The following CDHR2 variants were observed in gnomAD, a reference collection of about 807,000 sequenced individuals.
The protein encoded by CDHR2 is cadherin related family member 2.
A neutral mutation model predicts 138.6 loss-of-function variants in CDHR2; 104 were observed. That is an observed-to-expected ratio of 0.75 (90% CI 0.64 to 0.88). CDHR2 has a LOEUF of 0.88. Ranked by LOEUF, CDHR2 falls within the 40% of genes least tolerant of loss-of-function variation. The pLI is 0.00. For missense variants in CDHR2, 1,624 were observed against 1,727.6 expected (o/e 0.94, Z 1.06); for synonymous variants, 755 against 742.8 (o/e 1.02, Z -0.27).
intron 12 of CDHR2, 130 bp from the exon 13 acceptor site, chr5:176,577,269 T>G: frequency 9.9e-7 from 1 of 1,014,666 alleles, no homozygotes; most frequent in Non-Finnish European, 1.4e-6. Context: ...TCTCTCGCAG[T>G]CTTTTGAGAG....
At position 176,575,789 on chromosome 5, in the gene CDHR2, G is replaced by A; in HGVS notation, c.910G>A (p.Asp304Asn). 6.4e-7 allele frequency: 1 copy of A among 1,560,362 alleles called. No homozygotes were observed. The highest frequency in any genetic ancestry group is 1.9e-5 in the Admixed American group (1 of 52,164). Reference protein sequence around the residue: ...DGVIRVNGSLDREQLLEADEE... With the variant: ...DGVIRVNGSLNREQLLEADEE... ...GGTGATCAGGGTCAACGGCTCCCTG[G>A]ACCGTGAGCAGCTGCTGGAGGCGGA... Residue 304 changes from aspartate to asparagine, a missense_variant, in exon 11 of 32, where the codon GAC becomes AAC. Asp to Asn is a conservative substitution (Grantham distance 23). This residue lies in a region of CDHR2 where 1,061 missense variants were observed against 1,136.6 expected (regional missense o/e 0.93). Coordinates refer to ENST00000261944, the MANE Select transcript of CDHR2 (RefSeq NM_017675.6).
rs750300800 is a variant in CDHR2 at position 176,575,702 on chromosome 5, G to C, written c.845-22G>C. ...AGCCACTGGAGCAGCTGTTCCAGCTGTTCCGCCTTTCTCCTTGCCAGACTC... is the reference window on the plus strand; with the variant it reads ...AGCCACTGGAGCAGCTGTTCCAGCTCTTCCGCCTTTCTCCTTGCCAGACTC... On this transcript the variant is annotated intron_variant, in intron 10 of 31. Coordinates refer to ENST00000261944, the MANE Select transcript of CDHR2 (RefSeq NM_017675.6). 11 of 1,591,974 alleles carry C rather than the reference G, an allele frequency of 6.9e-6. No homozygotes were observed. In the Admixed American group the frequency reaches 8.9e-5, roughly 13 times the overall value.
rs1452008754 is a variant in CDHR2, at chr5:176,543,414, G to T, written c.-16+645G>T. The stretch of plus-strand genomic sequence containing the variant: ...AACCGTCCGCGGACCTCACCACCCG[G>T]GCGCGCGGGGCCCACACCGGCTGCG... On this transcript the variant is annotated intron_variant, in intron 1 of 31. Coordinates refer to the CDHR2 transcript ENST00000510636. The surrounding 1 kb of genome is among the most constrained non-coding windows in gnomAD (Gnocchi z 4.0). 1 of 151,022 alleles carries T rather than the reference G, an allele frequency of 6.6e-6. No individual in the cohort carries two copies. The highest frequency in any genetic ancestry group is 1.5e-5 in the Non-Finnish European group (1 of 67,648). The allele number at this position is 151,022 out of a possible 1,614,324, so 9.4% of individuals were successfully genotyped here.
chr5:176,589,726 TG>T, intron 24 of CDHR2, 110 bp downstream of exon 24: 2 of 942,862 alleles, frequency 2.1e-6, no homozygotes, highest in Non-Finnish European at 3.3e-6. Context: ...GACCCACATT[TG>T]ACCTTGTCCC....
intron 1 of CDHR2, among the ~76,000 whole-genome samples, chr5:176,554,419 C>T (rs1472470939): frequency 6.6e-6 from 1 of 152,192 alleles, no homozygotes; most frequent in African/African-American, 2.4e-5. Context: ...GTGTGCCAGG[C>T]GCTGAGGTGG....
intron 1 of CDHR2, among the ~76,000 whole-genome samples, chr5:176,558,731 A>G (rs562080239): frequency 1.3e-5 from 2 of 149,968 alleles, no homozygotes; most frequent in Non-Finnish European, 3.0e-5. Context: ...CGTGTTAGCC[A>G]GGATGGTCTC....
chr5:176,578,511 T>A lies in CDHR2; in HGVS notation c.1721T>A (p.Ile574Asn). Residue 574 changes from isoleucine (I) to asparagine (N), a missense_variant, in exon 16 of 32, where the codon ATC becomes AAC. By Grantham distance (149) the Ile-to-Asn change is moderately radical. This residue lies in a region of CDHR2 where 1,061 missense variants were observed against 1,136.6 expected (regional missense o/e 0.93). Transcript: ENST00000261944. ...GNLSSSTTLQIHLLDINDNAP... is the reference protein window; with the variant it reads ...GNLSSSTTLQNHLLDINDNAP... ...CTGTCCTCCTCCACCACACTGCAGA[T>A]CCACCTGCTGGACATCAACGACAAT... is the stretch of plus-strand genomic sequence containing the variant. The A allele has an allele frequency of 6.2e-7, 1 of 1,614,032 alleles. No homozygotes were observed. The highest frequency in any genetic ancestry group is 8.5e-7 in the Non-Finnish European group (1 of 1,179,920).
intron 3 of CDHR2, chr5:176,566,805 C>A (rs1561870112): frequency 5.0e-6 from 2 of 396,494 alleles, no homozygotes; most frequent in Non-Finnish European, 5.1e-6. Flanking sequence ...GCCACAGACC[C>A]ACGCCTAGCT....
Position 176,576,104 on chromosome 5 carries a change from C to A in CDHR2, c.1113C>A (p.Asn371Lys). The A allele has an allele frequency of 6.2e-7, 1 of 1,614,180 alleles. No individual in the cohort carries two copies. The highest frequency in any genetic ancestry group is 1.1e-5 in the South Asian group (1 of 91,086). ...CTFTPEEAQV[N>K]FTGYVDEHAS... ...TCACCCCCGAAGAGGCCCAAGTGAA[C>A]TTCACTGGCTACGTGGACGAGCATG... Residue 371 changes from asparagine (N) to lysine (K), a missense_variant, in exon 12 of 32, where the codon AAC becomes AAA. Around this residue, in one of 3 missense-constraint regions of CDHR2, gnomAD observed 1,061 missense variants for 1,136.6 expected, o/e 0.93. Coordinates refer to ENST00000261944, the MANE Select transcript of CDHR2 (RefSeq NM_017675.6). The surrounding 1 kb of genome is among the most constrained non-coding windows in gnomAD (Gnocchi z 4.5).
rs115323361 is a variant in CDHR2, at chr5:176,577,728, C to T, written c.1442C>T (p.Pro481Leu). Reference sequence around the variant, plus strand: ...ATTAATGACCACAGGCCCACGTTTCCCCAGAGCTTGTACGTCCTCACGGTG... The same window carrying T: ...ATTAATGACCACAGGCCCACGTTTCTCCAGAGCTTGTACGTCCTCACGGTG... ...RDINDHRPTFPQSLYVLTVPE... is the reference protein window; with the variant it reads ...RDINDHRPTFLQSLYVLTVPE... Residue 481 changes from proline to leucine, a missense_variant, in exon 14 of 32, where the codon CCC becomes CTC. Pro to Leu is a moderately conservative substitution (Grantham distance 98, BLOSUM62 -3). Around this residue, in one of 3 missense-constraint regions of CDHR2, gnomAD observed 1,061 missense variants for 1,136.6 expected, o/e 0.93. Coordinates refer to ENST00000261944, the MANE Select transcript of CDHR2 (RefSeq NM_017675.6). 4 of 1,614,204 alleles carry T rather than the reference C, an allele frequency of 2.5e-6. No individual in the cohort carries two copies. The highest frequency in any genetic ancestry group is 2.7e-5 in the African/African-American group (2 of 75,048).
At chr5:176,570,424 C>T (rs999753012) in intron 5 of CDHR2, among the ~76,000 whole-genome samples, 2 of 152,250 alleles carry the variant, frequency 1.3e-5, no homozygotes, top group Non-Finnish European at 2.9e-5. Context: ...CAGCTCACAT[C>T]AGCCTCCACC....
intron 1 of CDHR2, among the ~76,000 whole-genome samples, chr5:176,558,815 C>T (rs955644115): frequency 7.9e-5 from 12 of 152,282 alleles, no homozygotes; most frequent in East Asian, 1.9e-4. Flanking sequence ...CCACCGCGCC[C>T]GGTTGCTTGC....
chr5:176,585,311 A>G (rs1758632810), intron 19 of CDHR2, among the ~76,000 whole-genome samples: 1 of 152,238 alleles, frequency 6.6e-6, no homozygotes, highest in East Asian at 1.9e-4. Context: ...AGATGCTGTG[A>G]AAGAAAGATA....
chr5:176,589,255 C>T (rs1483127932), intron 22 of CDHR2, 73 bp downstream of exon 22: 1 of 1,597,344 alleles, frequency 6.3e-7, no homozygotes, highest in Non-Finnish European at 8.5e-7. Flanking sequence ...GCAAGTCCCC[C>T]ATCCTGGAGG....
Position 176,592,021 on chromosome 5 carries a change from ATGG to A in CDHR2, c.3734+544_3734+546del, listed in dbSNP as rs552923573. On this transcript the variant is annotated intron_variant, in intron 30 of 31. Transcript: ENST00000261944. ...GTGGTGATGGTAGTGGTGGTGGGTG[ATGG>A]TGGTGGCAATGGTGATGGTGGTGGT... Among the ~76,000 whole-genome samples, 19 of 125,428 alleles carry A rather than the reference ATGG, an allele frequency of 1.5e-4. 1 individual carries two copies. The highest frequency in any genetic ancestry group is 2.8e-4 in the Non-Finnish European group (17 of 60,400). The allele number at this position is 125,428 out of a possible 152,430, so 82.3% of individuals were successfully genotyped here.
chr5:176,586,690 G>A, intron 20 of CDHR2, 103 bp from the exon 21 acceptor site: 1 of 1,016,240 alleles, frequency 9.8e-7, no homozygotes, highest in Admixed American at 2.1e-5. Flanking sequence ...AGAGGTTGAG[G>A]GCAGGTTTAG....
chr5:176,555,686 C>G (rs543349245), intron 1 of CDHR2, among the ~76,000 whole-genome samples: 25 of 152,256 alleles, frequency 1.6e-4, no homozygotes, highest in African/African-American at 6.0e-4. Context: ...GTGGGTGGAT[C>G]ACCTGAGGTC....
intron 17 of CDHR2, among the ~76,000 whole-genome samples, chr5:176,583,098 G>T (rs968120531): frequency 2.6e-5 from 4 of 152,332 alleles, no homozygotes; most frequent in African/African-American, 9.6e-5. Context: ...AGGACTTGCT[G>T]GTTGTCCTTA....
rs1270078698 is a variant in CDHR2 at position 176,558,214 on chromosome 5, A to T, written c.-15-7124A>T. 1.2e-4 allele frequency among the ~76,000 whole-genome samples: 16 copies of T among 132,172 alleles called. 1 individual carries two copies. The highest frequency in any genetic ancestry group is 2.8e-4 in the African/African-American group (10 of 35,752). The allele number at this position is 132,172 out of a possible 152,430, so 86.7% of individuals were successfully genotyped here. ...TTTGCTTGCTTAGTTTTCTTTTCTT[A>T]TTTTTTTTTTTTTTTTTTTGAGACG... On this transcript the variant is annotated intron_variant, in intron 1 of 31. Coordinates refer to ENST00000261944, the MANE Select transcript of CDHR2 (RefSeq NM_017675.6).
Sources: allele counts gnomAD v4.1 joint callset (sites outside exome capture counted in the v4.1 genomes callset), GRCh38; gene constraint gnomAD v4.1.1; regional missense constraint gnomAD v4.1.1; non-coding constraint Gnocchi (gnomAD v3.1); transcripts MANE v1.5; gene names NCBI Gene and HGNC (gene_info 2026-07-23, HGNC 2026-07-21).